KATNIP: variants seen among roughly 807,000 people sequenced by gnomAD.
The protein encoded by KATNIP is katanin-interacting protein.
KATNIP carries 126 observed loss-of-function variants against 174.0 expected under a neutral mutation model. The observed-to-expected ratio is 0.72, with a 90% CI of 0.63 to 0.84. The LOEUF is 0.84. Ranked by LOEUF, KATNIP falls within the 40% of genes least tolerant of loss-of-function variation. The pLI is 0.00. For synonymous variants in KATNIP, 810 were observed against 835.7 expected (o/e 0.97, Z 0.53); for missense variants, 1,958 against 2,109.7 (o/e 0.93, Z 1.41).
At chr16:27,569,418 A>G (rs973031154) in intron 1 of KATNIP, among the ~76,000 whole-genome samples, 1 of 152,198 alleles carries the variant, frequency 6.6e-6, no homozygotes, top group Non-Finnish European at 1.5e-5. Context: ...TCTTTTCCCC[A>G]GACAGACATC....
At chr16:27,566,793 C>G (rs1423344985) in intron 1 of KATNIP, among the ~76,000 whole-genome samples, 1 of 152,194 alleles carries the variant, frequency 6.6e-6, no homozygotes, top group Non-Finnish European at 1.5e-5. Context: ...AGAGCTATCA[C>G]CCGGGGAAGA....
chr16:27,734,356 C>G (rs1221704199), intron 14 of KATNIP, among the ~76,000 whole-genome samples: 2 of 141,300 alleles, frequency 1.4e-5, no homozygotes, highest in African/African-American at 5.3e-5. Context: ...GTTGGGATTA[C>G]AGGTGTGAGC....
intron 2 of KATNIP, among the ~76,000 whole-genome samples, chr16:27,601,491 G>A (rs1176784421): frequency 6.6e-6 from 1 of 152,150 alleles, no homozygotes; most frequent in Non-Finnish European, 1.5e-5. Context: ...GACGGGGCAG[G>A]GGGAGTGGGG....
intron 3 of KATNIP, 48 bp from the exon 4 acceptor site, chr16:27,628,613 C>T (rs753368835): frequency 1.3e-6 from 2 of 1,597,000 alleles, no homozygotes; most frequent in African/African-American, 2.7e-5. Flanking sequence ...GTACAGCAGC[C>T]CAGACTCTCA....
chr16:27,740,155 GACCAGA>G lies in KATNIP; in HGVS notation c.1860_1865del (p.Asp620_Lys622delinsGlu). On this transcript the variant is annotated inframe_deletion, in exon 15 of 28. Coordinates refer to ENST00000261588, the MANE Select transcript of KATNIP (RefSeq NM_015202.5). ...CCCAGCTGACCACAGCATCCTGGTT[GACCAGA>G]AGAACGAGAAGAGCGAGCAACTAGA... 6.2e-7 allele frequency: 1 copy of G among 1,614,156 alleles called. No homozygotes were observed. The highest frequency in any genetic ancestry group is 1.7e-5 in the Admixed American group (1 of 60,030).
At chr16:27,600,804 A>T (rs1162197347) in intron 2 of KATNIP, among the ~76,000 whole-genome samples, 2 of 150,104 alleles carry the variant, frequency 1.3e-5, no homozygotes, top group African/African-American at 4.9e-5. Context: ...ATCTCGGCTT[A>T]CCACAACCTC....
At chr16:27,667,481 A>C (rs989694651) in intron 6 of KATNIP, among the ~76,000 whole-genome samples, 1 of 152,186 alleles carries the variant, frequency 6.6e-6, no homozygotes, top group African/African-American at 2.4e-5. Flanking sequence ...GGGAATTATC[A>C]CAACTAGCAA....
chr16:27,725,785 C>CCACTGCGT (rs1400582755), intron 14 of KATNIP, among the ~76,000 whole-genome samples: 6 of 152,218 alleles, frequency 3.9e-5, no homozygotes, highest in African/African-American at 1.4e-4. Context: ...TCCCCATCAT[C>CCACTGCGT]CACAGCGTCA....
intron 18 of KATNIP, chr16:27,755,033 T>C (rs1385922325): frequency 6.6e-6 from 1 of 152,534 alleles, no homozygotes; most frequent in African/African-American, 2.4e-5. Flanking sequence ...AAGCCCAAGG[T>C]CACTGCTGAT....
At chr16:27,669,637 C>T (rs938337426) in intron 6 of KATNIP, among the ~76,000 whole-genome samples, 4 of 152,172 alleles carry the variant, frequency 2.6e-5, no homozygotes, top group African/African-American at 9.7e-5. Context: ...AGGTTTTGAA[C>T]GGCTTCCTCC....
chr16:27,734,228 G>A (rs1424071478), intron 14 of KATNIP, among the ~76,000 whole-genome samples: 1 of 151,700 alleles, frequency 6.6e-6, no homozygotes, highest in Non-Finnish European at 1.5e-5. Context: ...GATTATAGGT[G>A]CCTGCCACCA....
intron 16 of KATNIP, among the ~76,000 whole-genome samples, chr16:27,751,328 G>T (rs2081507862): frequency 6.6e-6 from 1 of 152,104 alleles, no homozygotes; most frequent in South Asian, 2.1e-4. Context: ...CACCTACCAG[G>T]CAGTCATTGG....
chr16:27,754,444 C>A, intron 18 of KATNIP, 193 bp downstream of exon 18: 1 of 586,602 alleles, frequency 1.7e-6, no homozygotes, highest in Non-Finnish European at 3.0e-6. Context: ...AGGGCCACCT[C>A]ACTCCAGAGG....
At position 27,690,386 on chromosome 16, in the gene KATNIP, T is replaced by A. The variant is rs111854709; in HGVS notation, c.941-7942T>A. The stretch of plus-strand genomic sequence containing the variant: ...GATGATAGATAGATAGATAGATAGA[T>A]AGAAAAATAAATAAAAATAAAATGA... On this transcript the variant is annotated intron_variant, in intron 8 of 27. Transcript: ENST00000261588. Among the ~76,000 whole-genome samples, 941 of 149,074 alleles carry A rather than the reference T, an allele frequency of 6.3e-3. 28 individuals carry two copies. Among genetic ancestry groups the A allele is most frequent in the Admixed American group, 0.055 (820 of 14,852 alleles).
intron 14 of KATNIP, among the ~76,000 whole-genome samples, chr16:27,725,662 T>C (rs1473956072): frequency 6.6e-6 from 1 of 152,188 alleles, no homozygotes; most frequent in African/African-American, 2.4e-5. Flanking sequence ...CTCCCTTCTA[T>C]AGTAGGTAAT....
chr16:27,628,669 A>G lies in KATNIP; in HGVS notation c.149A>G (p.Lys50Arg). The change falls in exon 4 of 28, where the codon AAG (lysine) becomes AGG (arginine). Residue 50 changes from lysine to arginine, a missense_variant. Physicochemically the swap from Lys to Arg is conservative, Grantham distance 26. This residue lies in a region of KATNIP where 1,557 missense variants were observed against 1,617.8 expected (regional missense o/e 0.96). Transcript: ENST00000261588. ...CACCGTTTCTCTTTCAGGATATTAA[A>G]GCATTTGAAAAGCAAGGACCCCGTG... ...ILLQQRNRIL[K>R]HLKSKDPVQL... 1 of 1,614,168 alleles carries G rather than the reference A, an allele frequency of 6.2e-7. No individual in the cohort carries two copies. The highest frequency in any genetic ancestry group is 8.5e-7 in the Non-Finnish European group (1 of 1,179,996).
In KATNIP at chr16:27,745,580, C is replaced by T. The variant is rs149788705; in HGVS notation, c.2624-4004C>T. On this transcript the variant is annotated intron_variant, in intron 15 of 27. Transcript: ENST00000261588. ...GGGTGATTCACTGGAATAAACATGG[C>T]TCTGTGATATCCCTCTAAGTACTTC... 5.3e-3 allele frequency among the ~76,000 whole-genome samples: 802 copies of T among 152,336 alleles called. 7 individuals are homozygous for T. Among genetic ancestry groups the T allele is most frequent in the African/African-American group, 0.019 (771 of 41,562 alleles).
intron 19 of KATNIP, among the ~76,000 whole-genome samples, chr16:27,762,967 A>G (rs533416560): frequency 1.8e-4 from 28 of 152,328 alleles, no homozygotes; most frequent in South Asian, 8.3e-4. Flanking sequence ...ATTTCAGTGT[A>G]TACCTCTAAA....
chr16:27,593,538 T>C (rs1265207757), intron 2 of KATNIP, among the ~76,000 whole-genome samples: 1 of 151,566 alleles, frequency 6.6e-6, no homozygotes, highest in Non-Finnish European at 1.5e-5. Context: ...GTGTCCGTCC[T>C]AAACTTTTTT....
Sources: allele counts gnomAD v4.1 joint callset (sites outside exome capture counted in the v4.1 genomes callset), GRCh38; gene constraint gnomAD v4.1.1; regional missense constraint gnomAD v4.1.1; transcripts MANE v1.5; gene names NCBI Gene and HGNC (gene_info 2026-07-23, HGNC 2026-07-21).